The following SPINT1 variants were observed in gnomAD, a reference collection of about 807,000 sequenced individuals.
The protein encoded by SPINT1 is kunitz-type protease inhibitor 1.
Under a neutral mutation model 53.7 loss-of-function variants are expected in SPINT1, and 38 were observed. The observed-to-expected ratio is 0.71, with a 90% CI of 0.55 to 0.93. The LOEUF is 0.93. Ranked by LOEUF, SPINT1 falls within the 40% of genes least tolerant of loss-of-function variation. The pLI, the probability that SPINT1 is intolerant of heterozygous loss-of-function variation, is 0.00. For synonymous variants in SPINT1, 283 were observed against 280.6 expected (o/e 1.01, Z -0.08); for missense variants, 645 against 692.9 (o/e 0.93, Z 0.78).
Position 40,857,870 on chromosome 15 carries a change from G to GGA in SPINT1, c.*897_*898dup, listed in dbSNP as rs1054845240. ...CGGGCCACGGGAGCCACGAGTGTGG[G>GGA]GAGGCTGCAGTGCTGCTGTGTAGCA... On this transcript the variant is annotated 3_prime_UTR_variant, in exon 11 of 11. Coordinates refer to ENST00000562057, the MANE Select transcript of SPINT1 (RefSeq NM_003710.4). 2.3e-4 allele frequency: 35 copies of GGA among 152,534 alleles called. 1 individual carries two copies. The highest frequency in any genetic ancestry group is 8.0e-4 in the African/African-American group (33 of 41,442). The allele number at this position is 152,534 out of a possible 1,614,324, so 9.4% of individuals were successfully genotyped here.
At chr15:40,854,112 C>G in intron 6 of SPINT1, 26 bp downstream of exon 6, 3 of 1,528,566 alleles carry the variant, frequency 2.0e-6, no homozygotes, top group Non-Finnish European at 2.6e-6. Flanking sequence ...CTCCCCATCC[C>G]CCATCCCCAC....
chr15:40,854,287 G>T, intron 6 of SPINT1, 110 bp from the exon 7 acceptor site: 1 of 1,479,166 alleles, frequency 6.8e-7, no homozygotes, highest in Admixed American at 2.3e-5. Flanking sequence ...AGTGGGGTTG[G>T]TGGAAAGGGA....
intron 8 of SPINT1, 48 bp from the exon 9 acceptor site, chr15:40,855,844 C>T (rs1466821720): frequency 6.4e-7 from 1 of 1,572,256 alleles, no homozygotes; most frequent in Non-Finnish European, 8.7e-7. Flanking sequence ...CAGAAGGTGG[C>T]AGGGAGGCCA....
intron 8 of SPINT1, 129 bp from the exon 9 acceptor site, chr15:40,855,763 T>G: frequency 2.1e-6 from 2 of 953,374 alleles, no homozygotes; most frequent in East Asian, 2.7e-5. Flanking sequence ...CCAGGTGTTT[T>G]GGGGCCTCTC....
At chr15:40,854,015 T>C in intron 5 of SPINT1, 45 bp from the exon 6 acceptor site, 1 of 1,097,080 alleles carries the variant, frequency 9.1e-7, no homozygotes, top group Non-Finnish European at 1.3e-6. Context: ...TCATCCCCAC[T>C]GGAGCCTGGT....
In SPINT1 at chr15:40,853,775, C is replaced by T; in HGVS notation, c.807C>T (p.Asp269=). 6.2e-7 allele frequency: 1 copy of T among 1,614,214 alleles called. No homozygotes were observed. Residue 269 remains aspartate (D), a synonymous_variant, in exon 5 of 11, where the codon GAC becomes GAT. Transcript: ENST00000562057. ...CRGSFPRWYY[D]PTEQICKSFV... is the part of the protein sequence containing the mutation. Reference sequence around the variant, plus strand: ...GCTCTTTCCCACGCTGGTACTATGACCCCACGGAGCAGATCTGCAAGAGTT... The same window carrying T: ...GCTCTTTCCCACGCTGGTACTATGATCCCACGGAGCAGATCTGCAAGAGTT...
chr15:40,855,290 A>C (rs544174288), intron 8 of SPINT1, among the ~76,000 whole-genome samples: 2 of 152,320 alleles, frequency 1.3e-5, no homozygotes, highest in South Asian at 2.1e-4. Context: ...CTGAGGTAGG[A>C]GGATCACTTG....
chr15:40,853,671 G>T, intron 4 of SPINT1, 40 bp from the exon 5 acceptor site: 1 of 1,613,978 alleles, frequency 6.2e-7, no homozygotes, highest in Non-Finnish European at 8.5e-7. Context: ...CCCGCTGTGC[G>T]GATTGGCCGC....
chr15:40,848,667 G>A (rs1286307819), intron 2 of SPINT1, among the ~76,000 whole-genome samples: 3 of 152,180 alleles, frequency 2.0e-5, no homozygotes, highest in Admixed American at 6.5e-5. Flanking sequence ...AAATTGTGGT[G>A]CATTTATACA....
chr15:40,856,443 C>A, intron 10 of SPINT1, 120 bp downstream of exon 10: 3 of 1,281,738 alleles, frequency 2.3e-6, no homozygotes, highest in Non-Finnish European at 3.4e-6. Context: ...CCTATAGAGA[C>A]AGAGTACCGT....
intron 8 of SPINT1, 189 bp from the exon 9 acceptor site, chr15:40,855,703 A>C (rs953814644): frequency 1.2e-4 from 66 of 544,168 alleles, no homozygotes; most frequent in Admixed American, 8.3e-4. Context: ...TTGTGCCTAC[A>C]GTTATTGTCC....
In SPINT1 at chr15:40,853,213, T is replaced by A; in HGVS notation, c.565T>A (p.Trp189Arg). 1 of 1,614,188 alleles carries A rather than the reference T, an allele frequency of 6.2e-7. No homozygotes were observed. Among genetic ancestry groups the A allele is most frequent in the Non-Finnish European group, 8.5e-7 (1 of 1,180,022 alleles). ...GCTGAAGGATGTGGAAAACACAGAT[T>A]GGCGCCTACTGCGGGGTGACACGGA... is the stretch of plus-strand genomic sequence containing the variant. The part of the protein sequence containing the change: ...LVLKDVENTD[W>R]RLLRGDTDVR... The change falls in exon 3 of 11, where the codon TGG becomes AGG. Residue 189 changes from tryptophan (W) to arginine (R), a missense_variant. By Grantham distance (101) the Trp-to-Arg change is moderately radical (BLOSUM62 -3). Transcript: ENST00000562057.
intron 2 of SPINT1, among the ~76,000 whole-genome samples, chr15:40,845,658 G>A (rs187144614): frequency 1.8e-3 from 275 of 152,340 alleles, no homozygotes; most frequent in Non-Finnish European, 3.1e-3. Context: ...GGTGCTCACA[G>A]GGAGGCCTTT....
Position 40,857,284 on chromosome 15 carries a change from T to C in SPINT1, c.*309T>C, listed in dbSNP as rs931464696. On this transcript the variant is annotated 3_prime_UTR_variant, in exon 11 of 11. Transcript: ENST00000562057. ...AAAGCTGCCTGTCCCTACCCCATGG[T>C]GCTAGGAAGAGGAGTGGGGTGGTGT... is the stretch of plus-strand genomic sequence containing the variant. The C allele has an allele frequency of 2.5e-6, 1 of 397,938 alleles. No homozygotes were observed. The highest frequency in any genetic ancestry group is 3.6e-5 in the South Asian group (1 of 27,942). The allele number at this position is 397,938 out of a possible 1,614,324, so 24.7% of individuals were successfully genotyped here. A position where few individuals can be genotyped will look rare whatever the true frequency, so the allele number is the denominator to read the frequency against.
Position 40,856,859 on chromosome 15 carries a change from A to C in SPINT1, c.1426A>C (p.Arg476=), listed in dbSNP as rs1158953993. Residue 476 remains arginine, a synonymous_variant, in exon 11 of 11, where the codon AGA becomes CGA. Coordinates refer to ENST00000562057, the MANE Select transcript of SPINT1 (RefSeq NM_003710.4). ...GGGTTACTGCTTCTTCAAGAACCAG[A>C]GAAAGGACTTCCACGGACACCACCA... ...ILGYCFFKNQ[R]KDFHGHHHHP... 2.5e-6 allele frequency: 4 copies of C among 1,614,024 alleles called. No individual in the cohort carries two copies. The highest frequency in any genetic ancestry group is 3.4e-6 in the Non-Finnish European group (4 of 1,180,028).
chr15:40,852,862 C>T (rs945542455), intron 2 of SPINT1, among the ~76,000 whole-genome samples: 34 of 150,060 alleles, frequency 2.3e-4, no homozygotes, highest in African/African-American at 8.3e-4. Flanking sequence ...CATAGCAAGA[C>T]CCCATCTCTA....
rs754984432 is a variant in SPINT1, at chr15:40,844,761, C to A, written c.207C>A (p.Val69=). 1 of 1,611,592 alleles carries A rather than the reference C, an allele frequency of 6.2e-7. No individual in the cohort carries two copies. Among genetic ancestry groups the A allele is most frequent in the South Asian group, 1.1e-5 (1 of 90,844 alleles). The change falls in exon 2 of 11, where the codon GTC becomes GTA. Residue 69 remains valine (V), a synonymous_variant. Coordinates refer to ENST00000562057, the MANE Select transcript of SPINT1 (RefSeq NM_003710.4). This position sits in a 1 kb window ranked among gnomAD's most constrained non-coding sequence, Gnocchi z 5.8. ...PGFVLDTNAS[V]SNGATFLESP... is the part of the protein sequence containing the mutation. ...TCGTGCTGGACACCAACGCCTCGGT[C>A]AGCAACGGAGCTACCTTCCTGGAGT...
At chr15:40,849,923 TGCTCAGCTCTGCTGTTGTTACATGAAA>T (rs1331835986) in intron 2 of SPINT1, among the ~76,000 whole-genome samples, 2 of 152,360 alleles carry the variant, frequency 1.3e-5, no homozygotes, top group African/African-American at 4.8e-5. Context: ...CACTTGCGAC[TGCTCAGCTCTGCTGTTGTTACATGAAA>T]GCAGCCATAC....
chr15:40,856,212 C>G, intron 9 of SPINT1, 64 bp from the exon 10 acceptor site: 1 of 1,607,856 alleles, frequency 6.2e-7, no homozygotes, highest in Non-Finnish European at 8.5e-7. Flanking sequence ...GTCTGGGGCA[C>G]TGGGGAGCAG....
Sources: gnomAD v4.1 joint callset for allele counts (sites outside exome capture counted in the v4.1 genomes callset) on GRCh38, gnomAD v4.1.1 for gene constraint, Gnocchi (gnomAD v3.1) non-coding constraint, MANE v1.5 for transcripts, NCBI Gene and HGNC (gene_info 2026-07-23, HGNC 2026-07-21) for gene names.